The following COLEC12 variants were observed in gnomAD, a reference collection of about 807,000 sequenced individuals.
COLEC12 encodes the protein collectin-12.
In COLEC12, 33 loss-of-function variants were observed where a neutral mutation model predicts 71.1. That is an observed-to-expected ratio of 0.46 (90% CI 0.35 to 0.62). The LOEUF (loss-of-function observed/expected upper bound fraction) is 0.62. Among genes scored for constraint, COLEC12 ranks in the 20% least tolerant of loss-of-function variants. The pLI, the probability that COLEC12 is intolerant of heterozygous loss-of-function variation, is 0.00. For synonymous variants in COLEC12, 350 were observed against 353.0 expected, an observed-to-expected ratio of 0.99 and a Z score of 0.10; for missense variants, 765 against 916.1, an observed-to-expected ratio of 0.84 and a Z score of 2.13.
chr18:453,588 G>C (rs1294432831), intron 2 of COLEC12, among the ~76,000 whole-genome samples: 1 of 152,028 alleles, frequency 6.6e-6, no homozygotes, highest in African/African-American at 2.4e-5. Context: ...AATGCCCCAG[G>C]GCTCAGTCCT....
intron 9 of COLEC12, 66 bp from the exon 10 acceptor site, chr18:320,130 A>G: frequency 2.2e-6 from 2 of 903,790 alleles, no homozygotes; most frequent in Non-Finnish European, 3.6e-6. Flanking sequence ...TGCAATTCAA[A>G]AAAAGGGAAC....
chr18:378,103 C>G (rs1307171726), intron 2 of COLEC12, among the ~76,000 whole-genome samples: 1 of 152,146 alleles, frequency 6.6e-6, no homozygotes, highest in Non-Finnish European at 1.5e-5. Flanking sequence ...AAGGATACCC[C>G]CTGCTGCTGC....
At chr18:365,017 A>C (rs1914824912) in intron 2 of COLEC12, among the ~76,000 whole-genome samples, 1 of 152,252 alleles carries the variant, frequency 6.6e-6, no homozygotes, top group Non-Finnish European at 1.5e-5. Flanking sequence ...AAAGCAAGAT[A>C]AAGGATGCCC....
intron 2 of COLEC12, among the ~76,000 whole-genome samples, chr18:400,434 C>G (rs1162340933): frequency 6.6e-6 from 1 of 152,154 alleles, no homozygotes; most frequent in Admixed American, 6.5e-5. Context: ...TATGACTTGA[C>G]TGTGTTTCAG....
At chr18:463,048 G>A (rs1401773122) in intron 2 of COLEC12, among the ~76,000 whole-genome samples, 5 of 152,160 alleles carry the variant, frequency 3.3e-5, no homozygotes, top group Admixed American at 6.5e-5. Flanking sequence ...CAGGGAGAGG[G>A]TGGCAGGTTC....
chr18:455,278 C>CTTTTT (rs33915278), intron 2 of COLEC12, among the ~76,000 whole-genome samples: 3 of 132,480 alleles, frequency 2.3e-5, no homozygotes, highest in Non-Finnish European at 4.8e-5. Context: ...TTATTTTACG[C>CTTTTT]TTTTTTTTTT....
intron 5 of COLEC12, among the ~76,000 whole-genome samples, chr18:344,723 C>T (rs542081136): frequency 9.2e-5 from 14 of 152,336 alleles, no homozygotes; most frequent in African/African-American, 3.4e-4. Flanking sequence ...CCATGCCTTC[C>T]CATCAACATT....
intron 2 of COLEC12, among the ~76,000 whole-genome samples, chr18:479,208 C>T (rs181330944): frequency 2.6e-5 from 4 of 152,248 alleles, no homozygotes; most frequent in African/African-American, 4.8e-5. Flanking sequence ...GCGTCCCCCC[C>T]GGGAAAGAAC....
At chr18:489,422 T>C (rs1180305695) in intron 1 of COLEC12, among the ~76,000 whole-genome samples, 1 of 152,146 alleles carries the variant, frequency 6.6e-6, no homozygotes, top group African/African-American at 2.4e-5. Context: ...TGTGTGTGCA[T>C]GTGTCTGAGT....
intron 2 of COLEC12, among the ~76,000 whole-genome samples, chr18:472,678 C>CAAAAAA (rs765169609): frequency 2.9e-4 from 27 of 93,620 alleles, no homozygotes; most frequent in African/African-American, 4.4e-4. Context: ...GGCCCTGTGA[C>CAAAAAA]AAAAAAAAAA....
chr18:321,768 G>A lies in COLEC12; in HGVS notation c.2103C>T (p.Gly701=), dbSNP rs1484304610. Residue 701 remains glycine, a synonymous_variant, in exon 9 of 10, where the codon GGC becomes GGT. Coordinates refer to ENST00000400256, the MANE Select transcript of COLEC12 (RefSeq NM_130386.3). The part of the protein sequence containing the change: ...KAGQPDNWGH[G]HGPGEDCAGL... ...CAGCACAGTCTTCTCCTGGCCCATG[G>A]CCATGACCCCAGTTATCCGGCTGTC... The A allele has an allele frequency of 6.2e-7, 1 of 1,614,120 alleles. No individual in the cohort carries two copies. The highest frequency in any genetic ancestry group is 1.1e-5 in the South Asian group (1 of 91,046).
rs895859530 is a variant in COLEC12 at position 450,815 on chromosome 18, C to T, written c.58+29892G>A. 2.0e-5 allele frequency among the ~76,000 whole-genome samples: 3 copies of T among 152,278 alleles called. No homozygotes were observed. The East Asian group carries it at 5.8e-4, about 29-fold the overall frequency. On this transcript the variant is annotated intron_variant, in intron 2 of 9. Coordinates refer to ENST00000400256, the MANE Select transcript of COLEC12 (RefSeq NM_130386.3). ...GGAACTTCCTATAGACTTGTTAAATCGTTGTGACCAAAATGCTGATAGTGA... is the reference window on the plus strand; with the variant it reads ...GGAACTTCCTATAGACTTGTTAAATTGTTGTGACCAAAATGCTGATAGTGA...
At chr18:410,563 C>T (rs1598354796) in intron 2 of COLEC12, among the ~76,000 whole-genome samples, 2 of 152,016 alleles carry the variant, frequency 1.3e-5, no homozygotes, top group Admixed American at 6.6e-5. Context: ...CTCAGCCACC[C>T]GAGTAGCTGG....
At chr18:350,873 T>C (rs1214007657) in intron 3 of COLEC12, among the ~76,000 whole-genome samples, 3 of 151,406 alleles carry the variant, frequency 2.0e-5, no homozygotes, top group African/African-American at 7.3e-5. Context: ...ACCAGGAGAA[T>C]TGCTTGAACC....
At chr18:488,309 G>C (rs933969232) in intron 1 of COLEC12, among the ~76,000 whole-genome samples, 3 of 152,076 alleles carry the variant, frequency 2.0e-5, no homozygotes, top group Admixed American at 2.0e-4. Flanking sequence ...TACTAGGGAG[G>C]CTGAGGCAGG....
At chr18:332,146 C>T (rs113119635) in intron 7 of COLEC12, among the ~76,000 whole-genome samples, 17 of 152,338 alleles carry the variant, frequency 1.1e-4, no homozygotes, top group Middle Eastern at 3.4e-3. Context: ...CTGGGCCCCA[C>T]GTGCAGTGTG....
At chr18:417,621 A>G (rs1380100337) in intron 2 of COLEC12, among the ~76,000 whole-genome samples, 3 of 152,176 alleles carry the variant, frequency 2.0e-5, no homozygotes, top group Non-Finnish European at 4.4e-5. Context: ...GGGCAGGAAG[A>G]GATCATCATG....
intron 2 of COLEC12, among the ~76,000 whole-genome samples, chr18:366,475 C>G (rs549236723): frequency 4.0e-4 from 61 of 152,344 alleles, no homozygotes; most frequent in African/African-American, 1.4e-3. Context: ...TGCACCCTTT[C>G]CTAATTTGCC....
At chr18:467,107 C>T (rs920185660) in intron 2 of COLEC12, among the ~76,000 whole-genome samples, 2 of 152,116 alleles carry the variant, frequency 1.3e-5, no homozygotes, top group African/African-American at 2.4e-5. Flanking sequence ...CTTTCTATTC[C>T]TTCTTTCCTT....
Sources: allele counts gnomAD v4.1 joint callset (sites outside exome capture counted in the v4.1 genomes callset), GRCh38; gene constraint gnomAD v4.1.1; transcripts MANE v1.5; gene names NCBI Gene and HGNC (gene_info 2026-07-23, HGNC 2026-07-21).